The following PPA2 variants were observed in gnomAD, a reference collection of about 807,000 sequenced individuals.
PPA2 encodes the protein inorganic pyrophosphatase 2.
A neutral mutation model predicts 49.5 loss-of-function variants in PPA2; 48 were observed. That is an observed-to-expected ratio of 0.97 (90% confidence interval 0.77 to 1.23). The LOEUF is 1.23. Ranked by LOEUF, PPA2 falls within the 50% of genes most tolerant of loss-of-function variation. The pLI is 0.00. For synonymous variants in PPA2, 131 were observed against 139.9 expected, an observed-to-expected ratio of 0.94 and a Z score of 0.45; for missense variants, 429 against 410.1, an observed-to-expected ratio of 1.05 and a Z score of -0.40.
At chr4:105,411,355 A>G (rs1722748556) in intron 7 of PPA2, among the ~76,000 whole-genome samples, 1 of 152,252 alleles carries the variant, frequency 6.6e-6, no homozygotes, top group Non-Finnish European at 1.5e-5. Context: ...CAACAAGAAG[A>G]GCTAACTATC....
chr4:105,388,001 A>C (rs934627884), intron 9 of PPA2, among the ~76,000 whole-genome samples: 1 of 151,966 alleles, frequency 6.6e-6, no homozygotes, highest in Non-Finnish European at 1.5e-5. Context: ...TTTTAACATT[A>C]TAACTAAACC....
At chr4:105,410,774 A>G (rs1451421224) in intron 7 of PPA2, among the ~76,000 whole-genome samples, 2 of 152,226 alleles carry the variant, frequency 1.3e-5, no homozygotes, top group African/African-American at 4.8e-5. Flanking sequence ...ATTCTTAAAG[A>G]AAAGAATTTT....
At chr4:105,445,220 T>C (rs993938751) in intron 5 of PPA2, among the ~76,000 whole-genome samples, 1 of 152,218 alleles carries the variant, frequency 6.6e-6, no homozygotes, top group Non-Finnish European at 1.5e-5. Context: ...CTGTCTCTAA[T>C]TCATTGGCTT....
chr4:105,473,510 C>G (rs965668172), intron 1 of PPA2: 1 of 461,552 alleles, frequency 2.2e-6, no homozygotes, highest in Non-Finnish European at 4.2e-6. Flanking sequence ...GCTCTGCCTT[C>G]CCTTCCTCAC....
intron 4 of PPA2, among the ~76,000 whole-genome samples, chr4:105,448,847 G>A (rs1233629981): frequency 6.6e-6 from 1 of 151,700 alleles, no homozygotes; most frequent in Non-Finnish European, 1.5e-5. Context: ...CAAACTGACA[G>A]GCAAAATTGA....
In PPA2 at chr4:105,454,895, C is replaced by T. The variant is rs114033848; in HGVS notation, c.223-1253G>A. Among the ~76,000 whole-genome samples, 382 of 152,252 alleles carry T rather than the reference C, an allele frequency of 2.5e-3. 3 individuals are homozygous for T. The highest frequency in any genetic ancestry group is 8.9e-3 in the African/African-American group (370 of 41,540). Reference sequence around the variant, plus strand: ...CATGTTTCTAGCTTACTCTTTTCCACCTCTACCTCTATCTACTACACGACT... The same window carrying T: ...CATGTTTCTAGCTTACTCTTTTCCATCTCTACCTCTATCTACTACACGACT... On this transcript the variant is annotated intron_variant, in intron 2 of 11. Coordinates refer to ENST00000341695, the MANE Select transcript of PPA2 (RefSeq NM_176869.3).
At chr4:105,415,087 T>C (rs1259017067) in intron 7 of PPA2, among the ~76,000 whole-genome samples, 2 of 152,126 alleles carry the variant, frequency 1.3e-5, no homozygotes, top group Non-Finnish European at 2.9e-5. Context: ...GTGTGCTGAT[T>C]GGCCCATGGG....
At chr4:105,470,861 A>C (rs1723495056) in intron 1 of PPA2, among the ~76,000 whole-genome samples, 1 of 152,216 alleles carries the variant, frequency 6.6e-6, no homozygotes. Flanking sequence ...GACTTGTCCA[A>C]GACGGTAAAG....
chr4:105,388,676 T>C (rs1391934074), intron 9 of PPA2, among the ~76,000 whole-genome samples: 1 of 151,760 alleles, frequency 6.6e-6, no homozygotes, highest in Non-Finnish European at 1.5e-5. Context: ...AATACAAAAA[T>C]TAGCCAGGCA....
chr4:105,452,932 A>C (rs1722730905), intron 3 of PPA2, among the ~76,000 whole-genome samples: 1 of 145,122 alleles, frequency 6.9e-6, no homozygotes, highest in Admixed American at 6.8e-5. Flanking sequence ...TATATTTAGA[A>C]TATATTCATT....
chr4:105,370,859 T>A lies in PPA2; in HGVS notation c.954A>T (p.Pro318=). Reference sequence around the variant, plus strand: ...TACCTTCTTCATTACTTTCTTTATTTGGTGAAGATGATACCTGGAAATAAA... The same window carrying A: ...TACCTTCTTCATTACTTTCTTTATTAGGTGAAGATGATACCTGGAAATAAA... ...RSLVESVSSS[P]NKESNEEEQV... Residue 318 remains proline (P), a synonymous_variant, in exon 11 of 12, where the codon CCA becomes CCT. Coordinates refer to ENST00000341695, the MANE Select transcript of PPA2 (RefSeq NM_176869.3). 1 of 1,472,076 alleles carries A rather than the reference T, an allele frequency of 6.8e-7. No homozygotes were observed. Among genetic ancestry groups the A allele is most frequent in the South Asian group, 1.3e-5 (1 of 77,848 alleles). 91.2% of individuals were successfully genotyped at this position (1,472,076 alleles called of 1,614,324 possible).
Position 105,446,865 on chromosome 4 carries a change from A to G in PPA2, c.322-363T>C, listed in dbSNP as rs115710745. Among the ~76,000 whole-genome samples the G allele has an allele frequency of 6.8e-3, 1,041 of 152,260 alleles. 14 individuals are homozygous for G. Among genetic ancestry groups the G allele is most frequent in the African/African-American group, 0.024 (981 of 41,558 alleles). Reference sequence around the variant, plus strand: ...CATCAATATTATGATAATAAAACTAACTCAAAGATTCCTACCATATATTCA... The same window carrying G: ...CATCAATATTATGATAATAAAACTAGCTCAAAGATTCCTACCATATATTCA... On this transcript the variant is annotated intron_variant, in intron 4 of 11. Transcript: ENST00000341695.
At chr4:105,454,292 T>C in intron 2 of PPA2, among the ~76,000 whole-genome samples, 1 of 125,858 alleles carries the variant, frequency 7.9e-6, no homozygotes. Flanking sequence ...TATTTTTGTT[T>C]TTGCTGCTGC....
At chr4:105,455,666 T>C (rs762811713) in intron 2 of PPA2, among the ~76,000 whole-genome samples, 2 of 152,218 alleles carry the variant, frequency 1.3e-5, no homozygotes, top group Non-Finnish European at 2.9e-5. Context: ...CAGTTCCTTA[T>C]TCTGAAGAGC....
chr4:105,414,589 T>G (rs1030252730), intron 7 of PPA2, among the ~76,000 whole-genome samples: 1 of 152,160 alleles, frequency 6.6e-6, no homozygotes, highest in Non-Finnish European at 1.5e-5. Flanking sequence ...GGAAACACGG[T>G]GGCACTTAGA....
chr4:105,392,273 C>A (rs1470311239), intron 9 of PPA2, among the ~76,000 whole-genome samples: 13 of 147,348 alleles, frequency 8.8e-5, no homozygotes, highest in African/African-American at 1.0e-4. Context: ...ACAACAACAA[C>A]AAAAAAAAAA....
At chr4:105,388,836 GAA>G (rs11307608) in intron 9 of PPA2, among the ~76,000 whole-genome samples, 38 of 98,544 alleles carry the variant, frequency 3.9e-4, no homozygotes, top group Admixed American at 1.2e-3. Context: ...AAAAAAAAAA[GAA>G]AAAAAAAAAA....
At chr4:105,376,419 A>G (rs1733253817) in intron 10 of PPA2, among the ~76,000 whole-genome samples, 1 of 152,158 alleles carries the variant, frequency 6.6e-6, no homozygotes, top group African/African-American at 2.4e-5. Context: ...TTCCCCCTTG[A>G]CTTTTTTACT....
intron 10 of PPA2, among the ~76,000 whole-genome samples, chr4:105,371,263 T>TA (rs2110356417): frequency 6.6e-6 from 1 of 152,298 alleles, no homozygotes; most frequent in East Asian, 1.9e-4. Flanking sequence ...ACACACTTGC[T>TA]AAAAAATTTA....
Sources: allele counts gnomAD v4.1 joint callset (sites outside exome capture counted in the v4.1 genomes callset), GRCh38; gene constraint gnomAD v4.1.1; transcripts MANE v1.5; gene names NCBI Gene and HGNC (gene_info 2026-07-23, HGNC 2026-07-21).